Variants in CLSPN observed in about 807,000 individuals in gnomAD.
CLSPN encodes claspin, also known as claspin homolog.
In CLSPN, 85 loss-of-function variants were observed where a neutral mutation model predicts 156.3. The observed-to-expected ratio is 0.54, with a 90% confidence interval of 0.46 to 0.65. The LOEUF is 0.65. Ranked by LOEUF, CLSPN falls within the 30% of genes least tolerant of loss-of-function variation. The pLI is 0.00. For missense variants in CLSPN, 1,407 were observed against 1,554.9 expected, an observed-to-expected ratio of 0.90 and a Z score of 1.60; for synonymous variants, 534 against 542.4, an observed-to-expected ratio of 0.98 and a Z score of 0.22.
chr1:35,737,092 C>T lies in CLSPN; in HGVS notation c.3748-17G>A, dbSNP rs769140501. 1 of 1,608,754 alleles carries T rather than the reference C, an allele frequency of 6.2e-7. No individual in the cohort carries two copies. The highest frequency in any genetic ancestry group is 8.5e-7 in the Non-Finnish European group (1 of 1,177,512). ...TGTCTTCACCTGAGGAAAGAAGAGT[C>T]ATCTGGTATCAAATCCCAAGTGCCA... On this transcript the variant is annotated splice_polypyrimidine_tract_variant and intron_variant, in intron 23 of 24. Coordinates refer to ENST00000318121, the MANE Select transcript of CLSPN (RefSeq NM_022111.4).
At chr1:35,763,437 G>T in intron 3 of CLSPN, 116 bp from the exon 4 acceptor site, 1 of 673,132 alleles carries the variant, frequency 1.5e-6, no homozygotes, top group Non-Finnish European at 2.3e-6. Flanking sequence ...CAACAGACAA[G>T]CATATAAAAT....
intron 9 of CLSPN, among the ~76,000 whole-genome samples, chr1:35,752,061 A>G (rs560690623): frequency 6.6e-6 from 1 of 152,296 alleles, no homozygotes; most frequent in East Asian, 1.9e-4. Flanking sequence ...AGAGTGGTAC[A>G]ACCATTCTGA....
chr1:35,739,561 AACAATGAATATACTC>A, intron 18 of CLSPN, 32 bp from the exon 19 acceptor site: 2 of 1,567,678 alleles, frequency 1.3e-6, no homozygotes, highest in Non-Finnish European at 1.7e-6. Context: ...TAGAAAATGC[AACAATGAATATACTC>A]ACAGAATATG....
At chr1:35,743,294 GA>G (rs1006292816) in intron 17 of CLSPN, 53 bp from the exon 18 acceptor site, 9 of 1,461,044 alleles carry the variant, frequency 6.2e-6, no homozygotes, top group Middle Eastern at 1.8e-4. Flanking sequence ...CGTCCTCAAT[GA>G]AAAAAGGATT....
At chr1:35,725,719 A>G (rs1264192673) in intron 24 of CLSPN, among the ~76,000 whole-genome samples, 1 of 152,068 alleles carries the variant, frequency 6.6e-6, no homozygotes, top group Admixed American at 6.6e-5. Flanking sequence ...GGAGGCCTCA[A>G]TAGGATTTGG....
At chr1:35,758,034 G>T (rs972859906) in intron 8 of CLSPN, among the ~76,000 whole-genome samples, 1 of 150,876 alleles carries the variant, frequency 6.6e-6, no homozygotes, top group South Asian at 2.1e-4. Context: ...ATGAGACAAG[G>T]TGCTCTTTCT....
Position 35,738,550 on chromosome 1 carries a change from C to T in CLSPN, c.3463G>A (p.Asp1155Asn). The change falls in exon 21 of 25, where the codon GAC becomes AAC. Residue 1155 changes from aspartate (D) to asparagine (N), a missense_variant. Around this residue, in one of 3 missense-constraint regions of CLSPN, gnomAD observed 241 missense variants for 240.5 expected, o/e 1.00. Coordinates refer to ENST00000318121, the MANE Select transcript of CLSPN (RefSeq NM_022111.4). ...TCTTCAGTCTGATCATCATCAGAGTCTCTGTGGAACAAGTCCATCTGGGAA... is the reference window on the plus strand; with the variant it reads ...TCTTCAGTCTGATCATCATCAGAGTTTCTGTGGAACAAGTCCATCTGGGAA... ...DASQMDLFHR[D>N]SDDDQTEEQL... 6.2e-7 allele frequency: 1 copy of T among 1,613,904 alleles called. No homozygotes were observed. Among genetic ancestry groups the T allele is most frequent in the South Asian group, 1.1e-5 (1 of 91,060 alleles).
chr1:35,760,519 C>A lies in CLSPN; in HGVS notation c.1402G>T (p.Asp468Tyr), dbSNP rs61759479. 4,035 of 1,614,214 alleles carry A rather than the reference C, an allele frequency of 2.5e-3. 98 individuals are homozygous for A. The African/African-American group carries it at 0.046, about 18-fold the overall frequency. Residue 468 changes from aspartate (D) to tyrosine (Y), a missense_variant, in exon 8 of 25, where the codon GAT (aspartate) becomes TAT (tyrosine). Physicochemically the swap from Asp to Tyr is radical, Grantham distance 160 (BLOSUM62 -3). Transcript: ENST00000318121. ...TGCTCAGGCTCTTCCACTTTCTCAT[C>A]TGTTTCTTCTGGATTTTGGGGGCCT... ...GEGPQNPEET[D>Y]EKVEEPEQQN...
At chr1:35,751,167 G>C in intron 10 of CLSPN, 83 bp downstream of exon 10, 2 of 1,521,870 alleles carry the variant, frequency 1.3e-6, no homozygotes, top group Non-Finnish European at 1.8e-6. Flanking sequence ...AATTGAACAT[G>C]CTTATTATAC....
At chr1:35,762,332 T>C in intron 5 of CLSPN, 72 bp downstream of exon 5, 1 of 1,300,574 alleles carries the variant, frequency 7.7e-7, no homozygotes, top group Non-Finnish European at 1.1e-6. Context: ...AAATAAAATA[T>C]TTATCCCTAA....
At position 35,753,943 on chromosome 1, in the gene CLSPN, C is replaced by G; in HGVS notation, c.1580-7G>C. On this transcript the variant is annotated splice_region_variant and splice_polypyrimidine_tract_variant and intron_variant, in intron 8 of 24. Coordinates refer to ENST00000318121, the MANE Select transcript of CLSPN (RefSeq NM_022111.4). The stretch of plus-strand genomic sequence containing the variant: ...TGCTTCAAGGCTTCCAGTTCTAAAC[C>G]CAAACGCCAACCAGTGTGTCAGTTT... The G allele has an allele frequency of 6.2e-7, 1 of 1,613,218 alleles. No homozygotes were observed. Among genetic ancestry groups the G allele is most frequent in the South Asian group, 1.1e-5 (1 of 91,052 alleles).
Position 35,745,492 on chromosome 1 carries a change from T to C in CLSPN, c.2925A>G (p.Glu975=), listed in dbSNP as rs1229655848. 1 of 1,613,940 alleles carries C rather than the reference T, an allele frequency of 6.2e-7. No individual in the cohort carries two copies. The highest frequency in any genetic ancestry group is 1.7e-5 in the Admixed American group (1 of 60,004). The change falls in exon 16 of 25, where the codon GAA becomes GAG. Residue 975 remains glutamate (E), a synonymous_variant. Transcript: ENST00000318121. The part of the protein sequence containing the change: ...EKESSMGDPM[E]EALALCSGSF... ...AGCCTGAGCAAAGAGCAAGTGCTTC[T>C]TCCATTGGATCACCCATGCTGCTCT...
downstream of CLSPN, chr1:35,732,088 T>C (rs1641330226): frequency 1.1e-6 from 1 of 907,890 alleles, no homozygotes. Flanking sequence ...TGACTTAGTA[T>C]CCTCATTTTA....
rs1179919399 is a variant in CLSPN, at chr1:35,736,507, A to G, written c.4009T>C (p.Leu1337=). ...SGLTRSIFKY[L]ES ...CACCTTTGATGGTGTTAGCTCTCCA[A>G]ATATTTGAAGATGCTTCGCGTCAAT... Residue 1337 remains leucine (L), a synonymous_variant, in exon 25 of 25, where the codon TTG becomes CTG. Coordinates refer to ENST00000318121, the MANE Select transcript of CLSPN (RefSeq NM_022111.4). 2.3e-5 allele frequency: 37 copies of G among 1,602,040 alleles called. No homozygotes were observed. Among genetic ancestry groups the G allele is most frequent in the Non-Finnish European group, 3.1e-5 (36 of 1,175,006 alleles).
intron 8 of CLSPN, among the ~76,000 whole-genome samples, chr1:35,758,766 A>G (rs759099212): frequency 2.0e-5 from 3 of 151,078 alleles, no homozygotes; most frequent in South Asian, 2.1e-4. Flanking sequence ...AATCTTCACC[A>G]TAGCCCACAA....
In CLSPN at chr1:35,764,348, A is replaced by G; in HGVS notation, c.500T>C (p.Val167Ala). 6.2e-7 allele frequency: 1 copy of G among 1,604,746 alleles called. No homozygotes were observed. The highest frequency in any genetic ancestry group is 1.3e-5 in the African/African-American group (1 of 74,122). Residue 167 changes from valine to alanine, a missense_variant, in exon 3 of 25, where the codon GTA becomes GCA. Coordinates refer to ENST00000318121, the MANE Select transcript of CLSPN (RefSeq NM_022111.4). ...DKEGTAGKAK[V>A]KSKRRLEKEE... Reference sequence around the variant, plus strand: ...TTTCTCAAGTCTTCTTTTTGATTTTACTTTTGCTTTTCCTGCAGTTCCTTC... The same window carrying G: ...TTTCTCAAGTCTTCTTTTTGATTTTGCTTTTGCTTTTCCTGCAGTTCCTTC...
chr1:35,748,267 A>G, intron 13 of CLSPN, 138 bp downstream of exon 13: 1 of 985,164 alleles, frequency 1.0e-6, no homozygotes, highest in Non-Finnish European at 1.5e-6. Context: ...TTTAATACAC[A>G]AAGGGGGTGG....
chr1:35,737,100 A>T (rs1315203655), intron 23 of CLSPN, 25 bp from the exon 24 acceptor site: 1 of 1,606,266 alleles, frequency 6.2e-7, no homozygotes. Context: ...GTCATCTGGT[A>T]TCAAATCCCA....
rs1274513714 is a variant in CLSPN, at chr1:35,764,377, A to T, written c.471T>A (p.Asp157Glu). The change falls in exon 3 of 25, where the codon GAT (aspartate) becomes GAA (glutamate). Residue 157 changes from aspartate to glutamate, a missense_variant. Asp to Glu is a conservative substitution (Grantham distance 45). Transcript: ENST00000318121. The stretch of plus-strand genomic sequence containing the variant: ...TTGCTTTTCCTGCAGTTCCTTCTTT[A>T]TCATGTATGTGCTTTTTGGAACTCT... ...DRKSSKKHIHDKEGTAGKAKV... is the reference protein window; with the variant it reads ...DRKSSKKHIHEKEGTAGKAKV... 2 of 1,612,142 alleles carry T rather than the reference A, an allele frequency of 1.2e-6. No individual in the cohort carries two copies. The highest frequency in any genetic ancestry group is 2.2e-5 in the South Asian group (2 of 90,328).
Sources: gnomAD v4.1 joint callset for allele counts (sites outside exome capture counted in the v4.1 genomes callset) on GRCh38, gnomAD v4.1.1 for gene constraint, gnomAD v4.1.1 regional missense constraint, MANE v1.5 for transcripts, NCBI Gene and HGNC (gene_info 2026-07-23, HGNC 2026-07-21) for gene names.